MROH9: variants seen among roughly 807,000 people sequenced by gnomAD.
MROH9 encodes maestro heat like repeat family member 9, also known as maestro heat-like repeat-containing protein family member 9.
Under a neutral mutation model 98.2 loss-of-function variants are expected in MROH9, and 92 were observed. The observed-to-expected ratio is 0.94, with a 90% confidence interval of 0.79 to 1.11. MROH9 has a LOEUF of 1.11. Ranked by LOEUF, MROH9 falls within the 50% of genes most tolerant of loss-of-function variation. The pLI is 0.00. For missense variants in MROH9, 1,057 were observed against 1,014.8 expected, an observed-to-expected ratio of 1.04 and a Z score of -0.57; for synonymous variants, 397 against 368.9, an observed-to-expected ratio of 1.08 and a Z score of -0.87.
chr1:171,059,483 A>G (rs1653948859), intron 20 of MROH9, among the ~76,000 whole-genome samples: 1 of 152,218 alleles, frequency 6.6e-6, no homozygotes. Context: ...CAGTATGGTG[A>G]TTCCTCAAAG....
intron 1 of MROH9, among the ~76,000 whole-genome samples, chr1:170,944,834 T>A (rs1649262045): frequency 6.6e-6 from 1 of 151,992 alleles, no homozygotes; most frequent in African/African-American, 2.4e-5. Flanking sequence ...ATCCCTCCAC[T>A]TGAAGCTGAA....
chr1:170,957,797 T>G lies in MROH9; in HGVS notation c.73-664T>G, dbSNP rs59654518. ...AGTTGCCCTGCTGGCATTTTTTTGT[T>G]TTTTTTTTTTTTGTTTGTTTGTTTT... is the stretch of plus-strand genomic sequence containing the variant. On this transcript the variant is annotated intron_variant, in intron 3 of 21. Coordinates refer to ENST00000367759, the MANE Select transcript of MROH9 (RefSeq NM_001163629.2). 2.6e-4 allele frequency among the ~76,000 whole-genome samples: 23 copies of G among 89,660 alleles called. No individual in the cohort carries two copies. In the South Asian group the frequency reaches 5.5e-3, roughly 21 times the overall value. 58.8% of individuals were successfully genotyped at this position (89,660 alleles called of 152,430 possible). A position where few individuals can be genotyped will look rare whatever the true frequency, so the allele number is the denominator to read the frequency against.
chr1:170,996,448 T>C lies in MROH9; in HGVS notation c.1338-59T>C. On this transcript the variant is annotated intron_variant, in intron 13 of 21. Transcript: ENST00000367759. ...ATGGGATTAAAAGGCAGGTAATGTG[T>C]ATTTAGTTTTTTGAATATCACCGGC... 5.7e-6 allele frequency: 9 copies of C among 1,583,920 alleles called. No homozygotes were observed. In the South Asian group the frequency reaches 1.0e-4, roughly 18 times the overall value.
chr1:170,979,735 T>G (rs925850841), intron 8 of MROH9, among the ~76,000 whole-genome samples: 1 of 152,232 alleles, frequency 6.6e-6, no homozygotes, highest in Non-Finnish European at 1.5e-5. Context: ...ACATATCTGA[T>G]AAAAGACCCA....
At position 170,986,647 on chromosome 1, in the gene MROH9, C is replaced by T. The variant is rs374921240; in HGVS notation, c.816C>T (p.Ile272=). The T allele has an allele frequency of 3.4e-5, 55 of 1,613,760 alleles. No homozygotes were observed. The African/African-American group carries it at 5.5e-4, about 16-fold the overall frequency. Residue 272 remains isoleucine, a synonymous_variant, in exon 10 of 22, where the codon ATC becomes ATT. Coordinates refer to ENST00000367759, the MANE Select transcript of MROH9 (RefSeq NM_001163629.2). ...LMKLSSPDDK[I]ASDAASILIF... ...AACTCTCTTCACCTGATGATAAAAT[C>T]GCATCTGATGCAGCATCCATACTGA... is the stretch of plus-strand genomic sequence containing the variant.
chr1:170,968,112 G>A (rs1001416470), intron 7 of MROH9, among the ~76,000 whole-genome samples: 2 of 152,150 alleles, frequency 1.3e-5, no homozygotes, highest in African/African-American at 4.8e-5. Flanking sequence ...GAACCCATGA[G>A]CATTAGGGTA....
chr1:170,990,070 C>A, intron 11 of MROH9, 67 bp downstream of exon 11: 1 of 1,466,546 alleles, frequency 6.8e-7, no homozygotes, highest in Non-Finnish European at 9.2e-7. Flanking sequence ...TCAGATGGAC[C>A]TGGGTTCAAC....
At chr1:171,055,618 TAA>T (rs1204544479) in intron 20 of MROH9, among the ~76,000 whole-genome samples, 13,553 of 78,248 alleles carry the variant, frequency 0.17, 590 homozygotes, top group Middle Eastern at 0.35. Context: ...TGAGACTTCA[TAA>T]AAAAAAAAAA....
At chr1:171,017,305 G>T (rs140084310) in intron 17 of MROH9, among the ~76,000 whole-genome samples, 1 of 152,242 alleles carries the variant, frequency 6.6e-6, no homozygotes, top group Admixed American at 6.5e-5. Flanking sequence ...GAGGAAGGCA[G>T]AGCAGTGTGG....
intron 17 of MROH9, among the ~76,000 whole-genome samples, chr1:171,021,914 AT>A: frequency 6.6e-6 from 1 of 151,938 alleles, no homozygotes; most frequent in South Asian, 2.1e-4. Context: ...AAAAAAAAAA[AT>A]GACCCCATCA....
chr1:171,013,403 G>T (rs1434685038), intron 15 of MROH9, among the ~76,000 whole-genome samples: 1 of 152,114 alleles, frequency 6.6e-6, no homozygotes, highest in Admixed American at 6.5e-5. Flanking sequence ...AGGGATCTAG[G>T]TTGTAGGCTC....
chr1:171,047,411 C>G (rs891940272), intron 20 of MROH9, among the ~76,000 whole-genome samples: 1 of 152,004 alleles, frequency 6.6e-6, no homozygotes, highest in African/African-American at 2.4e-5. Flanking sequence ...CTCACTAATT[C>G]TTTTGCTTGA....
At chr1:171,007,347 C>A (rs926681284) in intron 15 of MROH9, among the ~76,000 whole-genome samples, 2 of 152,212 alleles carry the variant, frequency 1.3e-5, no homozygotes, top group African/African-American at 4.8e-5. Context: ...AATCCAGAAA[C>A]AACAGACCTA....
chr1:170,970,731 T>TGTGTGTGTGTGAGAGAGAGA (rs1491154307), intron 7 of MROH9, among the ~76,000 whole-genome samples: 1 of 90,876 alleles, frequency 1.1e-5, no homozygotes, highest in African/African-American at 4.3e-5. Flanking sequence ...TGTGTGTGTG[T>TGTGTGTGTGTGAGAGAGAGA]GAGAGAGAGA....
intron 20 of MROH9, among the ~76,000 whole-genome samples, chr1:171,044,160 G>C (rs1419210570): frequency 6.6e-6 from 1 of 152,060 alleles, no homozygotes; most frequent in Non-Finnish European, 1.5e-5. Flanking sequence ...AGTTTTTTAA[G>C]GGTTTTTATC....
chr1:171,045,022 G>T lies in MROH9; in HGVS notation c.2282-17110G>T, dbSNP rs1207454591. Among the ~76,000 whole-genome samples the T allele has an allele frequency of 3.3e-4, 13 of 39,058 alleles. 1 individual carries two copies. Among genetic ancestry groups the T allele is most frequent in the Non-Finnish European group, 5.3e-4 (11 of 20,664 alleles). The allele number at this position is 39,058 out of a possible 152,430, so 25.6% of individuals were successfully genotyped here. A position where few individuals can be genotyped will look rare whatever the true frequency, so the allele number is the denominator to read the frequency against. On this transcript the variant is annotated intron_variant, in intron 20 of 21. Transcript: ENST00000367759. The stretch of plus-strand genomic sequence containing the variant: ...TTTTTTTTTTTTTTTTTTTTTTTGA[G>T]ATGGAGTCTCGCTCTTTCACACAGG...
chr1:171,011,630 G>T (rs755395573), intron 15 of MROH9, among the ~76,000 whole-genome samples: 6 of 152,054 alleles, frequency 3.9e-5, no homozygotes, highest in Non-Finnish European at 5.9e-5. Context: ...ATAAGCCAGG[G>T]TCTGCCATTG....
At chr1:170,950,971 A>C (rs1649530818) in intron 3 of MROH9, among the ~76,000 whole-genome samples, 1 of 151,914 alleles carries the variant, frequency 6.6e-6, no homozygotes, top group Non-Finnish European at 1.5e-5. Context: ...TTTGTCTCTA[A>C]GCCACTGAAA....
At chr1:171,052,383 G>A (rs1463167997) in intron 20 of MROH9, among the ~76,000 whole-genome samples, 2 of 152,098 alleles carry the variant, frequency 1.3e-5, no homozygotes, top group African/African-American at 4.8e-5. Flanking sequence ...GAATCCAGGG[G>A]GTAAAGCACC....
Sources: allele counts gnomAD v4.1 joint callset (sites outside exome capture counted in the v4.1 genomes callset), GRCh38; gene constraint gnomAD v4.1.1; transcripts MANE v1.5; gene names NCBI Gene and HGNC (gene_info 2026-07-23, HGNC 2026-07-21).